ATP8B4: variants seen among roughly 807,000 people sequenced by gnomAD.
The protein encoded by ATP8B4 is probable phospholipid-transporting ATPase IM.
ATP8B4 carries 133 observed loss-of-function variants against 145.6 expected under a neutral mutation model. The observed-to-expected ratio is 0.91, with a 90% CI of 0.79 to 1.05. ATP8B4 has a LOEUF of 1.05. ATP8B4 is among the 50% of genes least tolerant of loss of function. The pLI is 0.00. For synonymous variants in ATP8B4, 507 were observed against 492.9 expected (o/e 1.03, Z -0.38); for missense variants, 1,458 against 1,425.2 (o/e 1.02, Z -0.37).
In ATP8B4 at chr15:49,860,429, C is replaced by G. The variant is rs766185262; in HGVS notation, c.3344G>C (p.Ser1115Thr). 7 of 1,613,878 alleles carry G rather than the reference C, an allele frequency of 4.3e-6. No homozygotes were observed. Among genetic ancestry groups the G allele is most frequent in the Admixed American group, 3.3e-5 (2 of 59,990 alleles). Residue 1115 changes from serine to threonine, a missense_variant, in exon 28 of 28, where the codon AGC becomes ACC. Coordinates refer to ENST00000284509, the MANE Select transcript of ATP8B4 (RefSeq NM_024837.4). ...KAQKKARPPSSRRPRTRRSSS... is the reference protein window; with the variant it reads ...KAQKKARPPSTRRPRTRRSSS... ...TGACCTGCGGGTCCGAGGCCTTCGG[C>G]TACTTGGAGGCCTTGCCTTCTTTTG...
chr15:49,979,296 T>C (rs746928006), intron 12 of ATP8B4, among the ~76,000 whole-genome samples: 3 of 152,134 alleles, frequency 2.0e-5, no homozygotes, highest in Non-Finnish European at 2.9e-5. Flanking sequence ...TCCCCAATGT[T>C]CTTCCTTTTC....
intron 3 of ATP8B4, among the ~76,000 whole-genome samples, chr15:50,048,646 C>T (rs894864020): frequency 3.3e-5 from 5 of 150,534 alleles, no homozygotes; most frequent in East Asian, 2.0e-4. Flanking sequence ...AAGCGGAGGT[C>T]GCAGTGAGCC....
intron 2 of ATP8B4, among the ~76,000 whole-genome samples, chr15:50,075,234 G>A (rs891361303): frequency 6.6e-5 from 10 of 152,052 alleles, no homozygotes; most frequent in South Asian, 4.1e-4. Flanking sequence ...AAAGTGAAAA[G>A]AAGAGCTGGA....
At chr15:50,073,054 T>A (rs1018186366) in intron 3 of ATP8B4, among the ~76,000 whole-genome samples, 5 of 120,442 alleles carry the variant, frequency 4.2e-5, no homozygotes, top group Non-Finnish European at 8.7e-5. Context: ...ACACACACAC[T>A]ATACATATAC....
intron 1 of ATP8B4, among the ~76,000 whole-genome samples, chr15:50,133,297 C>G (rs1008347140): frequency 6.6e-6 from 1 of 152,056 alleles, no homozygotes; most frequent in Non-Finnish European, 1.5e-5. Context: ...AAGTCAAACT[C>G]ACTGGGCATA....
At chr15:49,979,036 A>G (rs1312841722) in intron 12 of ATP8B4, among the ~76,000 whole-genome samples, 1 of 152,156 alleles carries the variant, frequency 6.6e-6, no homozygotes, top group African/African-American at 2.4e-5. Context: ...AATAATAGGA[A>G]AAGCTAATAT....
intron 23 of ATP8B4, chr15:49,883,500 T>C (rs992593510): frequency 2.6e-5 from 4 of 152,152 alleles, no homozygotes; most frequent in Middle Eastern, 3.2e-3. Context: ...CAAAAAGAAA[T>C]AAAAATAGCT....
At chr15:50,147,203 G>C (rs958069702) in intron 1 of ATP8B4, among the ~76,000 whole-genome samples, 10 of 152,060 alleles carry the variant, frequency 6.6e-5, no homozygotes, top group African/African-American at 2.2e-4. Context: ...ATCACCTGAG[G>C]TCAGGAGTTC....
chr15:50,133,422 A>G (rs919131536), intron 1 of ATP8B4, among the ~76,000 whole-genome samples: 2 of 151,644 alleles, frequency 1.3e-5, no homozygotes, highest in African/African-American at 2.4e-5. Flanking sequence ...CTACAAAAAA[A>G]AAATTACAAA....
intron 2 of ATP8B4, among the ~76,000 whole-genome samples, chr15:50,081,035 C>T (rs868038700): frequency 6.6e-6 from 1 of 151,892 alleles, no homozygotes; most frequent in Non-Finnish European, 1.5e-5. Context: ...ATGGCGAGAA[C>T]CCGGGAGGCG....
At chr15:49,957,954 A>G (rs2043726915) in intron 14 of ATP8B4, among the ~76,000 whole-genome samples, 1 of 151,886 alleles carries the variant, frequency 6.6e-6, no homozygotes, top group South Asian at 2.1e-4. Context: ...AACAGAGAAT[A>G]CAAGTACTTT....
At chr15:49,872,090 C>T (rs933742560) in intron 25 of ATP8B4, among the ~76,000 whole-genome samples, 2 of 152,206 alleles carry the variant, frequency 1.3e-5, no homozygotes, top group Non-Finnish European at 2.9e-5. Context: ...CATTCCACTG[C>T]TTCCCAACTA....
At chr15:49,940,203 T>G (rs1356321715) in intron 14 of ATP8B4, among the ~76,000 whole-genome samples, 2 of 152,186 alleles carry the variant, frequency 1.3e-5, no homozygotes, top group African/African-American at 2.4e-5. Flanking sequence ...CACCATGGAA[T>G]ACTATACAGC....
At chr15:49,905,963 C>CAA (rs997966009) in intron 20 of ATP8B4, among the ~76,000 whole-genome samples, 2 of 151,124 alleles carry the variant, frequency 1.3e-5, no homozygotes, top group African/African-American at 4.9e-5. Context: ...TATATATACA[C>CAA]ACACACACAC....
In ATP8B4 at chr15:49,903,911, C is replaced by T. The variant is rs183428733; in HGVS notation, c.2142-2672G>A. ...CTCCGTCTCAAAAAAAAAAAAAAATCGATCTGTTGGAAATGGATTGAAACC... is the reference window on the plus strand; with the variant it reads ...CTCCGTCTCAAAAAAAAAAAAAAATTGATCTGTTGGAAATGGATTGAAACC... On this transcript the variant is annotated intron_variant, in intron 20 of 27. Transcript: ENST00000284509. Among the ~76,000 whole-genome samples, 997 of 151,020 alleles carry T rather than the reference C, an allele frequency of 6.6e-3. 7 individuals are homozygous for T. Among genetic ancestry groups the T allele is most frequent in the Admixed American group, 0.013 (191 of 15,200 alleles).
At chr15:49,964,912 C>A (rs190269221) in intron 13 of ATP8B4, among the ~76,000 whole-genome samples, 80 of 152,172 alleles carry the variant, frequency 5.3e-4, no homozygotes, top group African/African-American at 1.8e-3. Context: ...CCAAAAGGTC[C>A]CCAAAACTCA....
At position 49,981,226 on chromosome 15, in the gene ATP8B4, T is replaced by C. The variant is rs752148029; in HGVS notation, c.817A>G (p.Met273Val). 1.9e-6 allele frequency: 3 copies of C among 1,605,794 alleles called. No individual in the cohort carries two copies. Among genetic ancestry groups the C allele is most frequent in the Non-Finnish European group, 2.6e-6 (3 of 1,174,252 alleles). The change falls in exon 11 of 28, where the codon ATG (methionine) becomes GTG (valine). Residue 273 changes from methionine (M) to valine (V), a missense_variant. By Grantham distance (21) the Met-to-Val change is conservative. Coordinates refer to ENST00000284509, the MANE Select transcript of ATP8B4 (RefSeq NM_024837.4). ...CTTACCCATAGTACTAGAGTATTCA[T>C]CAATCTATCAATGCTTGTCCTTTTA... The part of the protein sequence containing the change: ...KFKRTSIDRL[M>V]NTLVLWIFGF...
intron 6 of ATP8B4, among the ~76,000 whole-genome samples, chr15:50,025,300 T>C (rs1189583687): frequency 1.3e-5 from 2 of 152,194 alleles, no homozygotes; most frequent in Non-Finnish European, 2.9e-5. Context: ...AATCTCTCTG[T>C]TATGAGGAAA....
At chr15:49,947,302 G>A (rs764084196) in intron 14 of ATP8B4, among the ~76,000 whole-genome samples, 8 of 151,886 alleles carry the variant, frequency 5.3e-5, no homozygotes, top group Admixed American at 1.3e-4. Context: ...GTGGTGACAC[G>A]TGCCTGTAGT....
Sources: gnomAD v4.1 joint callset for allele counts (sites outside exome capture counted in the v4.1 genomes callset) on GRCh38, gnomAD v4.1.1 for gene constraint, MANE v1.5 for transcripts, NCBI Gene and HGNC (gene_info 2026-07-23, HGNC 2026-07-21) for gene names.